The following RP1 variants were observed in gnomAD, a reference collection of about 807,000 sequenced individuals.
The protein encoded by RP1 is RP1 axonemal microtubule associated.
RP1 carries 16 observed loss-of-function variants against 14.8 expected under a neutral mutation model. The ratio of observed to expected loss-of-function variants is 1.08; its 90% CI spans 0.73 to 1.65. The LOEUF is 1.65. Among genes scored for constraint, RP1 ranks in the 40% most tolerant of loss-of-function variants. The pLI, the probability that RP1 is intolerant of heterozygous loss-of-function variation, is 0.00. For missense variants in RP1, 2,631 were observed against 2,535.0 expected (o/e 1.04, Z -0.81); for synonymous variants, 876 against 883.6 (o/e 0.99, Z 0.15).
intron 9 of RP1, chr8:54,678,549 AC>A (rs1807351021): frequency 1.3e-6 from 2 of 1,529,396 alleles, no homozygotes; most frequent in African/African-American, 2.7e-5. Flanking sequence ...TTGTAGGTGT[AC>A]TTTTACATCG....
At chr8:54,668,894 C>T (rs1290378505) in intron 7 of RP1, among the ~76,000 whole-genome samples, 2 of 152,150 alleles carry the variant, frequency 1.3e-5, no homozygotes, top group Non-Finnish European at 2.9e-5. Context: ...GGGTTAAAGA[C>T]TTAAATGTTA....
chr8:54,793,673 T>C (rs984842657), intron 24 of RP1, among the ~76,000 whole-genome samples: 11 of 151,904 alleles, frequency 7.2e-5, no homozygotes, highest in African/African-American at 2.4e-4. Context: ...AGAAGGAATG[T>C]ATCCAACCTA....
intron 12 of RP1, among the ~76,000 whole-genome samples, chr8:54,698,365 A>G (rs1205717394): frequency 1.3e-5 from 2 of 152,230 alleles, no homozygotes; most frequent in African/African-American, 4.8e-5. Context: ...TAGAATGACG[A>G]TCATTAAAAT....
At chr8:54,575,811 C>T (rs59922745) in intron 1 of RP1, among the ~76,000 whole-genome samples, 1 of 152,202 alleles carries the variant, frequency 6.6e-6, no homozygotes, top group East Asian at 1.9e-4. Flanking sequence ...AAGTGGGGCC[C>T]CAGTGTTTGT....
intron 5 of RP1, among the ~76,000 whole-genome samples, chr8:54,655,292 C>T (rs1008545129): frequency 4.6e-5 from 7 of 152,150 alleles, no homozygotes; most frequent in Non-Finnish European, 1.0e-4. Context: ...ATTACTGGAA[C>T]TCCAAGAGAT....
rs531399810 is a variant in RP1 at position 54,818,968 on chromosome 8, C to T, written c.3616-18482C>T. Among the ~76,000 whole-genome samples the T allele has an allele frequency of 3.1e-3, 463 of 151,102 alleles. 2 individuals carry two copies. Among genetic ancestry groups the T allele is most frequent in the Non-Finnish European group, 5.5e-3 (372 of 67,798 alleles). ...ACAGTGCCAGGATGTTACAGAGGAG[C>T]GGGTGGGGACTGGGGATGGGAAGAG... On this transcript the variant is annotated intron_variant, in intron 24 of 28. Coordinates refer to the RP1 transcript ENST00000637698.
chr8:54,687,706 A>G lies in RP1; in HGVS notation c.1717+7773A>G, dbSNP rs187342553. 3.3e-5 allele frequency among the ~76,000 whole-genome samples: 5 copies of G among 152,284 alleles called. No homozygotes were observed. The East Asian group carries it at 9.6e-4, about 29-fold the overall frequency. The stretch of plus-strand genomic sequence containing the variant: ...ACGCCACATTTTCTTTATCAAGTCT[A>G]TCATTGATGGGCATTTGTGTCGGTT... On this transcript the variant is annotated intron_variant, in intron 12 of 22. Transcript: ENST00000636932.
At chr8:54,849,570 TATGG>T (rs1181110054) in intron 25 of RP1, among the ~76,000 whole-genome samples, 2 of 152,204 alleles carry the variant, frequency 1.3e-5, no homozygotes, top group African/African-American at 4.8e-5. Flanking sequence ...GGATACTATT[TATGG>T]AGCTGTTAAT....
At chr8:54,826,091 CAA>C (rs912877976) in intron 24 of RP1, among the ~76,000 whole-genome samples, 3 of 151,800 alleles carry the variant, frequency 2.0e-5, no homozygotes, top group African/African-American at 7.3e-5. Context: ...AAACAAAAAG[CAA>C]AAAAAGTTGT....
chr8:54,593,095 C>T (rs1017941596), intron 1 of RP1, among the ~76,000 whole-genome samples: 2 of 152,066 alleles, frequency 1.3e-5, no homozygotes, highest in African/African-American at 2.4e-5. Flanking sequence ...ATTAGTTTCC[C>T]CCTTTAGAAT....
At chr8:54,695,391 G>A (rs1490426207) in intron 12 of RP1, among the ~76,000 whole-genome samples, 3 of 151,926 alleles carry the variant, frequency 2.0e-5, no homozygotes, top group East Asian at 3.9e-4. Context: ...CATAGAACTT[G>A]TAGTTGATAT....
rs763409756 is a variant in RP1 at position 54,625,773 on chromosome 8, G to C, written c.1891G>C (p.Ala631Pro). 8 of 1,613,582 alleles carry C rather than the reference G, an allele frequency of 5.0e-6. No homozygotes were observed. The highest frequency in any genetic ancestry group is 6.8e-6 in the Non-Finnish European group (8 of 1,179,986). The change falls in exon 4 of 4, where the codon GCT (alanine) becomes CCT (proline). Residue 631 changes from alanine (A) to proline (P), a missense_variant. Ala to Pro is a conservative substitution (Grantham distance 27). Coordinates refer to ENST00000220676, the MANE Select transcript of RP1 (RefSeq NM_006269.2). ...TGACAAAAATATTTCTGAGGCTCCA[G>C]CTTCAGAAGCATCCTCTACTGTCAC... ...GTDKNISEAP[A>P]SEASSTVTAR...
chr8:54,677,469 A>G (rs1232006093), intron 8 of RP1, among the ~76,000 whole-genome samples: 3 of 152,182 alleles, frequency 2.0e-5, no homozygotes, highest in African/African-American at 4.8e-5. Flanking sequence ...GCTTATGCCT[A>G]TAATTCCAGC....
At chr8:54,644,031 T>C (rs1027027970) in intron 3 of RP1, among the ~76,000 whole-genome samples, 3 of 152,230 alleles carry the variant, frequency 2.0e-5, no homozygotes, top group Non-Finnish European at 2.9e-5. Flanking sequence ...AATCTCATTT[T>C]ATATATTATC....
intron 24 of RP1, among the ~76,000 whole-genome samples, chr8:54,794,532 A>G (rs1810537793): frequency 6.6e-6 from 1 of 152,144 alleles, no homozygotes; most frequent in South Asian, 2.1e-4. Context: ...AAAACTGGAT[A>G]TCCATGAGCA....
intron 1 of RP1, among the ~76,000 whole-genome samples, chr8:54,591,106 T>C (rs1436587071): frequency 6.6e-6 from 1 of 152,200 alleles, no homozygotes; most frequent in African/African-American, 2.4e-5. Context: ...TCATCCCAAC[T>C]AGCAGAGCAG....
At chr8:54,785,773 T>G (rs1810304224) in intron 24 of RP1, among the ~76,000 whole-genome samples, 1 of 152,126 alleles carries the variant, frequency 6.6e-6, no homozygotes, top group South Asian at 2.1e-4. Context: ...ATGTATTTCC[T>G]TAATGACTAA....
intron 1 of RP1, among the ~76,000 whole-genome samples, chr8:54,607,560 C>T (rs1248775385): frequency 6.6e-6 from 1 of 152,212 alleles, no homozygotes. Flanking sequence ...AACCACTACT[C>T]TCTTCCAAGC....
chr8:54,742,753 C>T (rs112605714), intron 19 of RP1, among the ~76,000 whole-genome samples: 1 of 152,156 alleles, frequency 6.6e-6, no homozygotes, highest in East Asian at 1.9e-4. Flanking sequence ...TGAGTCAGAA[C>T]TAAAATTTTA....
Sources: allele counts gnomAD v4.1 joint callset (sites outside exome capture counted in the v4.1 genomes callset), GRCh38; gene constraint gnomAD v4.1.1; transcripts MANE v1.5; gene names NCBI Gene and HGNC (gene_info 2026-07-23, HGNC 2026-07-21).